SH3RF3: variants seen among roughly 807,000 people sequenced by gnomAD.
SH3RF3 encodes the protein E3 ubiquitin-protein ligase SH3RF3.
Under a neutral mutation model 66.3 loss-of-function variants are expected in SH3RF3, and 29 were observed. That is an observed-to-expected ratio of 0.44 (90% CI 0.33 to 0.60). The LOEUF (loss-of-function observed/expected upper bound fraction) is 0.60, where lower values mean the gene tolerates loss of function less well. Ranked by LOEUF, SH3RF3 falls within the 20% of genes least tolerant of loss-of-function variation. SH3RF3 has a pLI of 0.04. For missense variants in SH3RF3, 1,194 were observed against 1,190.9 expected (o/e 1.00, Z -0.04); for synonymous variants, 583 against 532.0 (o/e 1.10, Z -1.32).
chr2:109,459,271 G>T (rs1276091771), intron 8 of SH3RF3, among the ~76,000 whole-genome samples: 2 of 152,098 alleles, frequency 1.3e-5, no homozygotes, highest in African/African-American at 4.8e-5. Flanking sequence ...AAAATAGGAG[G>T]AAATACTTAC....
chr2:109,220,486 G>T (rs574916853), intron 1 of SH3RF3, among the ~76,000 whole-genome samples: 20 of 152,244 alleles, frequency 1.3e-4, no homozygotes, highest in African/African-American at 4.6e-4. Context: ...AGAGTGAAAA[G>T]ATAACCTAAA....
chr2:109,178,174 G>A (rs910489797), intron 1 of SH3RF3, among the ~76,000 whole-genome samples: 4 of 152,074 alleles, frequency 2.6e-5, no homozygotes, highest in Admixed American at 1.3e-4. Flanking sequence ...AAAATATGAG[G>A]CACCAATGTA....
At chr2:109,496,474 T>G (rs36154417) in intron 9 of SH3RF3, among the ~76,000 whole-genome samples, 38,691 of 152,080 alleles carry the variant, frequency 0.25, 5,262 homozygotes, top group East Asian at 0.5. Flanking sequence ...TGGCTTCACC[T>G]TTCACTATGA....
At chr2:109,441,914 C>G (rs1463473721) in intron 7 of SH3RF3, among the ~76,000 whole-genome samples, 1 of 152,052 alleles carries the variant, frequency 6.6e-6, no homozygotes, top group Non-Finnish European at 1.5e-5. Context: ...AGAAATATAG[C>G]TGTCAATCTA....
chr2:109,313,813 G>T (rs1398887930), intron 1 of SH3RF3, among the ~76,000 whole-genome samples: 2 of 152,248 alleles, frequency 1.3e-5, no homozygotes, highest in Non-Finnish European at 2.9e-5. Flanking sequence ...AAACAGAGGG[G>T]CTTATTCCAG....
intron 1 of SH3RF3, among the ~76,000 whole-genome samples, chr2:109,199,337 A>T: frequency 0.25 from 1 of 4 alleles, no homozygotes; most frequent in Non-Finnish European, 0.5. Context: ...GTAAAATGGA[A>T]TGGAATGGAA....
intron 1 of SH3RF3, among the ~76,000 whole-genome samples, chr2:109,206,022 C>G (rs1315493410): frequency 6.6e-6 from 1 of 152,162 alleles, no homozygotes; most frequent in Non-Finnish European, 1.5e-5. Flanking sequence ...GGAGACTAAC[C>G]TGGTGAACTG....
rs530338680 is a variant in SH3RF3, at chr2:109,294,291, G to A, written c.574-53383G>A. ...ATAAAGAATTGCTGTGCCGTGTGCGGTGGTCATGCCTGTAATCCCAGCACT... is the reference window on the plus strand; with the variant it reads ...ATAAAGAATTGCTGTGCCGTGTGCGATGGTCATGCCTGTAATCCCAGCACT... On this transcript the variant is annotated intron_variant, in intron 1 of 9. Transcript: ENST00000309415. Among the ~76,000 whole-genome samples the A allele has an allele frequency of 5.3e-5, 8 of 152,270 alleles. 1 individual carries two copies. The South Asian group carries it at 1.7e-3, about 32-fold the overall frequency.
chr2:109,457,914 G>A (rs959952666), intron 8 of SH3RF3, among the ~76,000 whole-genome samples: 2 of 152,214 alleles, frequency 1.3e-5, no homozygotes, highest in Admixed American at 1.3e-4. Context: ...GGGCATCTCT[G>A]AACATTCCAC....
At chr2:109,438,942 A>C (rs1214480840) in intron 7 of SH3RF3, among the ~76,000 whole-genome samples, 4 of 152,134 alleles carry the variant, frequency 2.6e-5, no homozygotes, top group Admixed American at 6.5e-5. Flanking sequence ...TTCCACATGC[A>C]CCAGCACTAG....
chr2:109,438,831 A>G (rs2104593568), intron 7 of SH3RF3, among the ~76,000 whole-genome samples: 1 of 152,284 alleles, frequency 6.6e-6, no homozygotes, highest in East Asian at 1.9e-4. Flanking sequence ...CTGTTTGGCC[A>G]CTGGAGCACC....
chr2:109,339,831 C>A (rs1015171945), intron 1 of SH3RF3, among the ~76,000 whole-genome samples: 1 of 152,174 alleles, frequency 6.6e-6, no homozygotes, highest in African/African-American at 2.4e-5. Context: ...TCTGGACCCT[C>A]CTGGCCCAAC....
chr2:109,366,008 A>T (rs1297888681), intron 2 of SH3RF3, among the ~76,000 whole-genome samples: 1 of 152,254 alleles, frequency 6.6e-6, no homozygotes, highest in African/African-American at 2.4e-5. Context: ...GTTTTCTGGC[A>T]TATAAGACAA....
chr2:109,161,779 C>T (rs1677495706), intron 1 of SH3RF3, among the ~76,000 whole-genome samples: 1 of 151,930 alleles, frequency 6.6e-6, no homozygotes, highest in South Asian at 2.1e-4. Context: ...AGCTCACTCA[C>T]CACCACCCCC....
At chr2:109,309,514 A>G (rs1362131038) in intron 1 of SH3RF3, among the ~76,000 whole-genome samples, 1 of 129,178 alleles carries the variant, frequency 7.7e-6, no homozygotes, top group East Asian at 2.1e-4. Flanking sequence ...TTAACTTTAA[A>G]TGTAAATGGA....
intron 1 of SH3RF3, among the ~76,000 whole-genome samples, chr2:109,305,868 G>A (rs1308952220): frequency 1.3e-5 from 2 of 152,200 alleles, no homozygotes; most frequent in African/African-American, 4.8e-5. Context: ...AGCAATCCAC[G>A]CAGAGCCCTT....
chr2:109,399,016 C>T, intron 4 of SH3RF3, 73 bp downstream of exon 4: 9 of 1,441,202 alleles, frequency 6.2e-6, no homozygotes, highest in Admixed American at 2.0e-5. Context: ...TGTTCAGTGT[C>T]CCCCGTTCCT....
chr2:109,466,272 G>C (rs1267790582), intron 8 of SH3RF3, among the ~76,000 whole-genome samples: 1 of 151,996 alleles, frequency 6.6e-6, no homozygotes, highest in Admixed American at 6.5e-5. Context: ...TAGTAGAGAC[G>C]GGGTTTCACT....
intron 1 of SH3RF3, among the ~76,000 whole-genome samples, chr2:109,149,585 C>G (rs892240778): frequency 6.6e-6 from 1 of 152,272 alleles, no homozygotes; most frequent in Non-Finnish European, 1.5e-5. Flanking sequence ...CTGGGTCTTG[C>G]ATGCAAGGTC....
Sources: allele counts gnomAD v4.1 joint callset (sites outside exome capture counted in the v4.1 genomes callset), GRCh38; gene constraint gnomAD v4.1.1; transcripts MANE v1.5; gene names NCBI Gene and HGNC (gene_info 2026-07-23, HGNC 2026-07-21).